Variants in TDG observed in about 807,000 individuals in gnomAD.
TDG encodes the protein thymine DNA glycosylase, also known as G/T mismatch-specific thymine DNA glycosylase.
Under a neutral mutation model 46.1 loss-of-function variants are expected in TDG, and 23 were observed. The observed-to-expected ratio is 0.50, with a 90% CI of 0.36 to 0.71. TDG has a LOEUF of 0.71. TDG is among the 30% of genes least tolerant of loss of function. The pLI, the probability that TDG is intolerant of heterozygous loss-of-function variation, is 0.00. For missense variants in TDG, 304 were observed against 486.7 expected, an observed-to-expected ratio of 0.62 and a Z score of 3.53; for synonymous variants, 115 against 161.3, an observed-to-expected ratio of 0.71 and a Z score of 2.18.
chr12:103,983,572 T>G (rs1015433324), intron 7 of TDG, among the ~76,000 whole-genome samples, 183 bp downstream of exon 7: 3 of 152,360 alleles, frequency 2.0e-5, no homozygotes, highest in South Asian at 2.1e-4. Context: ...CTATTAGGGT[T>G]TATTAGAAAG....
intron 1 of TDG, among the ~76,000 whole-genome samples, chr12:103,975,700 C>CA (rs1416311669): frequency 6.6e-6 from 1 of 152,056 alleles, no homozygotes; most frequent in Non-Finnish European, 1.5e-5. Flanking sequence ...CTTGCTCTGT[C>CA]ACCCAGGCTG....
chr12:103,969,712 G>T (rs1331782607), intron 1 of TDG, among the ~76,000 whole-genome samples: 3 of 152,186 alleles, frequency 2.0e-5, no homozygotes, highest in Non-Finnish European at 4.4e-5. Flanking sequence ...TACAAGGACA[G>T]TGTTCGTTGA....
chr12:103,977,951 G>C (rs1021778880), intron 2 of TDG, among the ~76,000 whole-genome samples: 3 of 152,168 alleles, frequency 2.0e-5, no homozygotes, highest in Non-Finnish European at 2.9e-5. Context: ...CTACTGGGGA[G>C]GCTGAGGCAC....
chr12:103,973,034 G>A, intron 1 of TDG: 1 of 701,502 alleles, frequency 1.4e-6, no homozygotes. Flanking sequence ...TGGGAGAGTG[G>A]TAGGTAGATT....
rs548745748 is a variant in TDG at position 103,980,259 on chromosome 12, G to A, written c.408+187G>A. On this transcript the variant is annotated intron_variant, in intron 3 of 9. Transcript: ENST00000392872. ...TTTAAGAGGGTGGGCTCCAAATTTA[G>A]ACTGTCTGGGTTCAAATCCTGTCAC... 97 of 703,334 alleles carry A rather than the reference G, an allele frequency of 1.4e-4. 2 individuals carry two copies. In the South Asian group the frequency reaches 1.9e-3, roughly 14 times the overall value. 43.6% of individuals were successfully genotyped at this position (703,334 alleles called of 1,614,324 possible). A position where few individuals can be genotyped will look rare whatever the true frequency, so the allele number is the denominator to read the frequency against.
intron 1 of TDG, among the ~76,000 whole-genome samples, chr12:103,974,149 C>T (rs1255427312): frequency 6.6e-6 from 1 of 151,918 alleles, no homozygotes; most frequent in Non-Finnish European, 1.5e-5. Context: ...TTTCCCCAGG[C>T]CATTTAAGCT....
At chr12:103,978,947 T>C (rs902951325) in intron 2 of TDG, among the ~76,000 whole-genome samples, 2 of 152,072 alleles carry the variant, frequency 1.3e-5, no homozygotes, top group Non-Finnish European at 2.9e-5. Flanking sequence ...CTGCTTTACG[T>C]CCTGAGGTTG....
At chr12:103,984,517 C>T (rs964100254) in intron 7 of TDG, among the ~76,000 whole-genome samples, 4 of 152,124 alleles carry the variant, frequency 2.6e-5, no homozygotes, top group African/African-American at 4.8e-5. Context: ...TCGCTTGAAC[C>T]CAGGAGGCAG....
At chr12:103,969,011 C>T (rs1329503738) in intron 1 of TDG, among the ~76,000 whole-genome samples, 1 of 152,182 alleles carries the variant, frequency 6.6e-6, no homozygotes, top group Non-Finnish European at 1.5e-5. Context: ...CTAGTGACCA[C>T]TACACTACAG....
At position 103,977,067 on chromosome 12, in the gene TDG, T is replaced by G; in HGVS notation, c.166+7T>G. ...GCTCAGGAACCAGTGCAAGGTAGTT[T>G]CACCATGAGAGCTTAGAAAGTTCAA... On this transcript the variant is annotated splice_region_variant and intron_variant, in intron 2 of 9. Transcript: ENST00000392872. The G allele has an allele frequency of 1.2e-6, 2 of 1,600,520 alleles. No homozygotes were observed. The highest frequency in any genetic ancestry group is 1.7e-6 in the Non-Finnish European group (2 of 1,175,974).
At position 103,983,221 on chromosome 12, in the gene TDG, A is replaced by G. The variant is rs2136241610; in HGVS notation, c.697+3A>G. 1 of 1,591,828 alleles carries G rather than the reference A, an allele frequency of 6.3e-7. No homozygotes were observed. The highest frequency in any genetic ancestry group is 8.5e-7 in the Non-Finnish European group (1 of 1,172,812). On this transcript the variant is annotated splice_donor_region_variant and intron_variant, in intron 6 of 9. Coordinates refer to ENST00000392872, the MANE Select transcript of TDG (RefSeq NM_003211.6). Reference sequence around the variant, plus strand: ...AATAGCAGTGTTTAATGGAAAATGTAAGATTTACTTTTAAATTTTTTTTTT... The same window carrying G: ...AATAGCAGTGTTTAATGGAAAATGTGAGATTTACTTTTAAATTTTTTTTTT...
At chr12:103,986,731 T>A in intron 9 of TDG, 1 of 419,804 alleles carries the variant, frequency 2.4e-6, no homozygotes, top group Non-Finnish European at 4.3e-6. Flanking sequence ...AAAAAAAAAC[T>A]TCAAATAAGC....
rs1425605199 is a variant in TDG at position 103,987,721 on chromosome 12, C to CG, written c.*631_*632insG. 1.3e-5 allele frequency: 2 copies of CG among 152,632 alleles called. No homozygotes were observed. Among genetic ancestry groups the CG allele is most frequent in the African/African-American group, 4.8e-5 (2 of 41,480 alleles). 9.5% of individuals were successfully genotyped at this position (152,632 alleles called of 1,614,324 possible). ...CTGCTCAGCCCTGTGTGTTAATCCT[C>CG]TAGTAGCCAATTAACTACTCTGGGG... On this transcript the variant is annotated 3_prime_UTR_variant, in exon 10 of 10. Coordinates refer to ENST00000392872, the MANE Select transcript of TDG (RefSeq NM_003211.6).
chr12:103,985,750 T>A (rs1398404179), intron 9 of TDG, 22 bp downstream of exon 9: 1 of 1,230,042 alleles, frequency 8.1e-7, no homozygotes, highest in East Asian at 3.8e-5. Context: ...TCCACATGTG[T>A]ATTCCTTTCA....
At chr12:103,979,110 T>TTTTTTTTC (rs1491162158) in intron 2 of TDG, among the ~76,000 whole-genome samples, 2 of 3,964 alleles carry the variant, frequency 5.0e-4, no homozygotes, top group East Asian at 0.053. Context: ...TTTTTCTTTC[T>TTTTTTTTC]TTTTTTTTTT....
chr12:103,976,874 T>G (rs751018766), intron 1 of TDG, 44 bp from the exon 2 acceptor site: 2 of 1,606,348 alleles, frequency 1.2e-6, no homozygotes, highest in Non-Finnish European at 1.7e-6. Context: ...GATTTACATT[T>G]GGGTAATTTT....
chr12:103,982,118 T>TAATA (rs1566182567), intron 4 of TDG, among the ~76,000 whole-genome samples: 4 of 152,236 alleles, frequency 2.6e-5, no homozygotes, highest in Admixed American at 1.3e-4. Flanking sequence ...TTATACTGCC[T>TAATA]AATAGATCAG....
At chr12:103,981,427 G>T (rs1426349658) in intron 4 of TDG, among the ~76,000 whole-genome samples, 1 of 151,802 alleles carries the variant, frequency 6.6e-6, no homozygotes, top group Non-Finnish European at 1.5e-5. Flanking sequence ...TAGAGACGGG[G>T]TGTCTCCATG....
At chr12:103,968,598 G>C (rs1375471003) in intron 1 of TDG, among the ~76,000 whole-genome samples, 1 of 152,224 alleles carries the variant, frequency 6.6e-6, no homozygotes, top group African/African-American at 2.4e-5. Context: ...CTCAAGACCA[G>C]TGAAGGCATT....
Sources: gnomAD v4.1 joint callset for allele counts (sites outside exome capture counted in the v4.1 genomes callset) on GRCh38, gnomAD v4.1.1 for gene constraint, MANE v1.5 for transcripts, NCBI Gene and HGNC (gene_info 2026-07-23, HGNC 2026-07-21) for gene names.